The following SP140L variants were observed in gnomAD, a reference collection of about 807,000 sequenced individuals.
SP140L encodes the protein SP140 like nuclear body protein.
Under a neutral mutation model 84.3 loss-of-function variants are expected in SP140L, and 64 were observed. That is an observed-to-expected ratio of 0.76 (90% confidence interval 0.62 to 0.94). SP140L has a LOEUF of 0.94. Among genes scored for constraint, SP140L ranks in the 40% least tolerant of loss-of-function variants. SP140L has a pLI of 0.00. For synonymous variants in SP140L, 242 were observed against 236.9 expected, an observed-to-expected ratio of 1.02 and a Z score of -0.20; for missense variants, 628 against 692.5, an observed-to-expected ratio of 0.91 and a Z score of 1.05.
intron 5 of SP140L, among the ~76,000 whole-genome samples, chr2:230,362,229 CA>C (rs1462991566): frequency 1.3e-5 from 2 of 152,176 alleles, no homozygotes; most frequent in Non-Finnish European, 2.9e-5. Flanking sequence ...ACCTTATTAA[CA>C]TAAACTCAGG....
chr2:230,357,759 C>G (rs1292524507), intron 2 of SP140L, 46 bp from the exon 3 acceptor site: 1 of 1,571,882 alleles, frequency 6.4e-7, no homozygotes, highest in East Asian at 2.2e-5. Context: ...CCACAAACAT[C>G]TCAGAATCTT....
At chr2:230,394,831 T>C (rs2149816947) in intron 13 of SP140L, among the ~76,000 whole-genome samples, 1 of 152,352 alleles carries the variant, frequency 6.6e-6, no homozygotes, top group East Asian at 1.9e-4. Context: ...TTCTGGAAAC[T>C]TCAGTGTCAC....
At chr2:230,370,245 C>T (rs1297679388) in intron 5 of SP140L, among the ~76,000 whole-genome samples, 2 of 152,050 alleles carry the variant, frequency 1.3e-5, no homozygotes, top group East Asian at 3.8e-4. Flanking sequence ...ATTATTGGAG[C>T]GGGTATATTT....
chr2:230,334,578 G>T (rs1400563605), intron 2 of SP140L, among the ~76,000 whole-genome samples: 1 of 152,212 alleles, frequency 6.6e-6, no homozygotes, highest in Non-Finnish European at 1.5e-5. Flanking sequence ...CCATTCCAGT[G>T]TTGGATTTAC....
At chr2:230,397,477 T>C (rs555142938) in intron 14 of SP140L, among the ~76,000 whole-genome samples, 11 of 152,340 alleles carry the variant, frequency 7.2e-5, no homozygotes, top group South Asian at 6.2e-4. Context: ...CTCAGTACTA[T>C]GCAAACTTTC....
At position 230,365,351 on chromosome 2, in the gene SP140L, T is replaced by G. The variant is rs114931292; in HGVS notation, c.523+3654T>G. On this transcript the variant is annotated intron_variant, in intron 5 of 18. Transcript: ENST00000415673. ...TTATTCATTATTGGTCTGCTCAGGTTTTTATATTTGTGTTGGTAGGTTGTA... is the reference window on the plus strand; with the variant it reads ...TTATTCATTATTGGTCTGCTCAGGTGTTTATATTTGTGTTGGTAGGTTGTA... 6.1e-3 allele frequency among the ~76,000 whole-genome samples: 921 copies of G among 152,164 alleles called. 15 individuals are homozygous for G. Among genetic ancestry groups the G allele is most frequent in the African/African-American group, 0.02 (843 of 41,552 alleles).
chr2:230,370,885 T>C, intron 5 of SP140L, 23 bp from the exon 6 acceptor site: 1 of 1,610,582 alleles, frequency 6.2e-7, no homozygotes, highest in African/African-American at 1.3e-5. Context: ...ATGAGAAGTG[T>C]TCCTATGTCA....
intron 7 of SP140L, among the ~76,000 whole-genome samples, chr2:230,381,388 G>T (rs753472305): frequency 5.3e-5 from 8 of 152,098 alleles, no homozygotes; most frequent in Non-Finnish European, 1.2e-4. Flanking sequence ...TGACATCCTT[G>T]AAGCAATACC....
rs1251055752 is a variant in SP140L at position 230,364,787 on chromosome 2, A to C, written c.523+3090A>C. On this transcript the variant is annotated intron_variant, in intron 5 of 18. Transcript: ENST00000415673. Reference sequence around the variant, plus strand: ...TGTTAGCTGTAGGCTTGTCATATGTAGATGGTAGTGTTCTGAGGTACATTT... The same window carrying C: ...TGTTAGCTGTAGGCTTGTCATATGTCGATGGTAGTGTTCTGAGGTACATTT... Among the ~76,000 whole-genome samples, 5 of 152,158 alleles carry C rather than the reference A, an allele frequency of 3.3e-5. 1 individual carries two copies. The highest frequency in any genetic ancestry group is 1.2e-4 in the African/African-American group (5 of 41,458).
chr2:230,387,333 A>G (rs12994857), intron 9 of SP140L, among the ~76,000 whole-genome samples: 32,446 of 152,158 alleles, frequency 0.21, 3,867 homozygotes, highest in Non-Finnish European at 0.28. Flanking sequence ...ACAACTTGCA[A>G]ATTTGAAACT....
In SP140L at chr2:230,392,202, C is replaced by T. The variant is rs367991609; in HGVS notation, c.1080C>T (p.Gly360=). 68 of 1,614,020 alleles carry T rather than the reference C, an allele frequency of 4.2e-5. No individual in the cohort carries two copies. The South Asian group carries it at 5.7e-4, about 14-fold the overall frequency. The change falls in exon 12 of 19, where the codon GGC becomes GGT. Residue 360 remains glycine, a synonymous_variant. Coordinates refer to ENST00000415673, the MANE Select transcript of SP140L (RefSeq NM_138402.6). ...SKNWRLSVRC[G]GWPLRRLMEE... is the part of the protein sequence containing the mutation. ...ACTGGAGGCTGAGTGTGCGCTGTGG[C>T]GGGTGGCCCCTACGACGGCTGATGG... is the stretch of plus-strand genomic sequence containing the variant.
chr2:230,373,940 AC>A (rs1274767347), intron 7 of SP140L, among the ~76,000 whole-genome samples: 2 of 152,230 alleles, frequency 1.3e-5, no homozygotes, highest in Non-Finnish European at 1.5e-5. Context: ...GAAGTTGATT[AC>A]AACCCTTATT....
At position 230,401,037 on chromosome 2, in the gene SP140L, A is replaced by G. The variant is rs1227823695; in HGVS notation, c.1396A>G (p.Arg466Gly). ...QCCQESEVLE[R>G]QMCPEEQLKC... ...TTGTCAGGAATCTGAGGTCCTGGAG[A>G]GGCAGATGTGTCCTGAGGAACAGTT... Residue 466 changes from arginine to glycine, a missense_variant, in exon 16 of 19, where the codon AGG (arginine) becomes GGG (glycine). By Grantham distance (125) the Arg-to-Gly change is moderately radical. This residue lies in a region of SP140L where 52 missense variants were observed against 87.0 expected (regional missense o/e 0.60). Coordinates refer to ENST00000415673, the MANE Select transcript of SP140L (RefSeq NM_138402.6). 1 of 1,403,962 alleles carries G rather than the reference A, an allele frequency of 7.1e-7. No homozygotes were observed. The allele number at this position is 1,403,962 out of a possible 1,614,324, so 87.0% of individuals were successfully genotyped here.
At chr2:230,331,554 A>G (rs1307989805) in intron 2 of SP140L, among the ~76,000 whole-genome samples, 1 of 152,208 alleles carries the variant, frequency 6.6e-6, no homozygotes, top group Non-Finnish European at 1.5e-5. Context: ...GCTGGGATTC[A>G]ACTGAGAGAC....
Position 230,385,274 on chromosome 2 carries a change from A to G in SP140L, c.754A>G (p.Met252Val), listed in dbSNP as rs1194619636. The change falls in exon 9 of 19, where the codon ATG becomes GTG. Residue 252 changes from methionine to valine, a missense_variant. By Grantham distance (21) the Met-to-Val change is conservative. This residue lies in a region of SP140L where 525 missense variants were observed against 518.4 expected (regional missense o/e 1.01). Transcript: ENST00000415673. The stretch of plus-strand genomic sequence containing the variant: ...GGTCTCGAGTGAAAAGAAGGCGAAC[A>G]TGAATCTGAAAGACCTTTCCAAGAT... Reference protein sequence around the residue: ...QLVSSEKKANMNLKDLSKIRG... With the variant: ...QLVSSEKKANVNLKDLSKIRG... The G allele has an allele frequency of 2.5e-5, 40 of 1,613,680 alleles. No homozygotes were observed. The highest frequency in any genetic ancestry group is 3.0e-5 in the Non-Finnish European group (35 of 1,179,770).
chr2:230,380,880 A>G (rs192692263), intron 7 of SP140L, among the ~76,000 whole-genome samples: 2 of 152,274 alleles, frequency 1.3e-5, no homozygotes, highest in East Asian at 3.9e-4. Context: ...TCTCCTGATG[A>G]ACGTCACCTC....
Position 230,328,784 on chromosome 2 carries a change from A to G in SP140L, c.60A>G (p.Val20=), listed in dbSNP as rs2059648105. ...GGCTGAACGGAGGTGTTTCACAAGT[A>G]GCAAATGAGATGAACCATCTTCCTG... is the stretch of plus-strand genomic sequence containing the variant. ...TRGLNGGVSQ[V]ANEMNHLPAH... The change falls in exon 2 of 19, where the codon GTA becomes GTG. Residue 20 remains valine (V), a synonymous_variant. Coordinates refer to ENST00000415673, the MANE Select transcript of SP140L (RefSeq NM_138402.6). 2.5e-6 allele frequency: 4 copies of G among 1,613,030 alleles called. No homozygotes were observed. The African/African-American group carries it at 4.0e-5, about 16-fold the overall frequency.
At chr2:230,339,347 CT>C (rs1310739912) in intron 2 of SP140L, among the ~76,000 whole-genome samples, 1 of 151,654 alleles carries the variant, frequency 6.6e-6, no homozygotes, top group African/African-American at 2.4e-5. Flanking sequence ...GTGACATCCC[CT>C]TTATCATTTT....
At chr2:230,399,957 C>T in intron 14 of SP140L, 170 bp from the exon 15 acceptor site, 1 of 605,490 alleles carries the variant, frequency 1.7e-6, no homozygotes, top group Non-Finnish European at 2.9e-6. Flanking sequence ...TCACTGCAGA[C>T]CAGGATTTGT....
Sources: allele counts gnomAD v4.1 joint callset (sites outside exome capture counted in the v4.1 genomes callset), GRCh38; gene constraint gnomAD v4.1.1; regional missense constraint gnomAD v4.1.1; transcripts MANE v1.5; gene names NCBI Gene and HGNC (gene_info 2026-07-23, HGNC 2026-07-21).